FBXW7: variants seen among roughly 807,000 people sequenced by gnomAD.
The protein encoded by FBXW7 is F-box and WD repeat domain containing 7.
FBXW7 carries 11 observed loss-of-function variants against 86.3 expected under a neutral mutation model. The ratio of observed to expected loss-of-function variants is 0.13; its 90% CI spans 0.08 to 0.21. FBXW7 has a LOEUF of 0.21. FBXW7 is among the 10% of genes least tolerant of loss of function. FBXW7 has a pLI of 1.00. For synonymous variants in FBXW7, 313 were observed against 297.9 expected, an observed-to-expected ratio of 1.05 and a Z score of -0.52; for missense variants, 488 against 847.4, an observed-to-expected ratio of 0.58 and a Z score of 5.27.
chr4:152,437,898 G>T (rs1740527722), intron 2 of FBXW7, among the ~76,000 whole-genome samples: 1 of 152,182 alleles, frequency 6.6e-6, no homozygotes, highest in African/African-American at 2.4e-5. Context: ...TTTTTAGCCA[G>T]GCGCGATGGC....
chr4:152,341,751 A>T (rs1730761104), intron 6 of FBXW7, among the ~76,000 whole-genome samples: 1 of 152,212 alleles, frequency 6.6e-6, no homozygotes, highest in Non-Finnish European at 1.5e-5. Flanking sequence ...ACAATTTAGC[A>T]GCAAGGGACA....
chr4:152,431,598 T>G (rs1179511851), intron 2 of FBXW7, among the ~76,000 whole-genome samples: 1 of 152,144 alleles, frequency 6.6e-6, no homozygotes, highest in African/African-American at 2.4e-5. Context: ...CACTGGGGCC[T>G]AGGGCAGGAG....
chr4:152,361,914 C>T (rs530944678), intron 4 of FBXW7, among the ~76,000 whole-genome samples: 6 of 138,862 alleles, frequency 4.3e-5, no homozygotes, highest in Admixed American at 8.1e-5. Context: ...TGCAGTGAGC[C>T]GAGATTGCAA....
At chr4:152,376,516 G>C (rs1019588441) in intron 4 of FBXW7, among the ~76,000 whole-genome samples, 1 of 152,010 alleles carries the variant, frequency 6.6e-6, no homozygotes, top group African/African-American at 2.4e-5. Context: ...TACACCCCTT[G>C]AACTAACTGA....
intron 2 of FBXW7, among the ~76,000 whole-genome samples, chr4:152,470,102 T>C (rs1357537812): frequency 6.6e-6 from 1 of 151,850 alleles, no homozygotes; most frequent in East Asian, 1.9e-4. Context: ...TTTGTTTCAG[T>C]AAAACAGTTT....
chr4:152,480,298 G>C (rs1744762892), intron 2 of FBXW7, among the ~76,000 whole-genome samples: 1 of 151,690 alleles, frequency 6.6e-6, no homozygotes, highest in Non-Finnish European at 1.5e-5. Context: ...AACTGCTTTG[G>C]GCCACCACAA....
At chr4:152,532,206 A>C (rs2149750760) in intron 2 of FBXW7, among the ~76,000 whole-genome samples, 1 of 152,342 alleles carries the variant, frequency 6.6e-6, no homozygotes, top group East Asian at 1.9e-4. Flanking sequence ...TTTCACATCC[A>C]AAGCAAAGTC....
At chr4:152,323,760 G>C (rs941189230) in intron 13 of FBXW7, 1 of 177,504 alleles carries the variant, frequency 5.6e-6, no homozygotes, top group East Asian at 1.6e-4. Context: ...TTCCAGTTAA[G>C]CACGTGACTA....
Position 152,394,887 on chromosome 4 carries a change from C to T in FBXW7, c.501+16416G>A, listed in dbSNP as rs1736287919. Among the ~76,000 whole-genome samples the T allele has an allele frequency of 2.6e-5, 4 of 151,932 alleles. No individual in the cohort carries two copies. The South Asian group carries it at 8.3e-4, about 31-fold the overall frequency. On this transcript the variant is annotated intron_variant, in intron 4 of 13. Transcript: ENST00000281708. The stretch of plus-strand genomic sequence containing the variant: ...GTGACAGAGCTAGCATTTGAAAATC[C>T]CCCCGTAGTTTGACCTTAGAGATCA...
chr4:152,323,312 G>C (rs1057092610), intron 13 of FBXW7, 163 bp from the exon 14 acceptor site: 15 of 833,204 alleles, frequency 1.8e-5, no homozygotes, highest in African/African-American at 3.4e-5. Flanking sequence ...GATCAGCATG[G>C]ATGTAAGAAA....
In FBXW7 at chr4:152,535,343, A is replaced by T; in HGVS notation, c.-429T>A. On this transcript the variant is annotated 5_prime_UTR_variant, in exon 1 of 14. Transcript: ENST00000281708. ...GCTCTAGGAACTCCTCCCGGAGTCC[A>T]GCCAAGGAGCCGGGGGGCCGGCGAC... 5.7e-6 allele frequency: 2 copies of T among 352,188 alleles called. No homozygotes were observed. The highest frequency in any genetic ancestry group is 4.1e-5 in the East Asian group (1 of 24,514). The allele number at this position is 352,188 out of a possible 1,614,324, so 21.8% of individuals were successfully genotyped here.
chr4:152,468,139 G>A (rs1200853255), intron 2 of FBXW7, among the ~76,000 whole-genome samples: 1 of 152,040 alleles, frequency 6.6e-6, no homozygotes, highest in East Asian at 1.9e-4. Context: ...ACAAAAGACT[G>A]ACAATAAGTG....
At chr4:152,460,937 A>G (rs796912278) in intron 2 of FBXW7, among the ~76,000 whole-genome samples, 14 of 152,308 alleles carry the variant, frequency 9.2e-5, no homozygotes, top group African/African-American at 3.4e-4. Context: ...TTTCAAATAG[A>G]TGACTTTTAT....
chr4:152,438,367 T>A (rs922228617), intron 2 of FBXW7, among the ~76,000 whole-genome samples: 4 of 151,992 alleles, frequency 2.6e-5, no homozygotes. Flanking sequence ...ATCCATGGTA[T>A]CTTCAAAGTA....
In FBXW7 at chr4:152,322,765, C is replaced by G; in HGVS notation, c.*116G>C. On this transcript the variant is annotated 3_prime_UTR_variant, in exon 14 of 14. Coordinates refer to ENST00000281708, the MANE Select transcript of FBXW7 (RefSeq NM_001349798.2). ...CAATCTGTTGCCCCAAGCCAACATC[C>G]TGCACCACTGAGAACAAGGGATTTT... 1 of 1,496,736 alleles carries G rather than the reference C, an allele frequency of 6.7e-7. No homozygotes were observed. The allele number at this position is 1,496,736 out of a possible 1,614,324, so 92.7% of individuals were successfully genotyped here. A position where few individuals can be genotyped will look rare whatever the true frequency, so the allele number is the denominator to read the frequency against.
In FBXW7 at chr4:152,339,815, G is replaced by A. The variant is rs768381113; in HGVS notation, c.727-1879C>T. Among the ~76,000 whole-genome samples the A allele has an allele frequency of 5.3e-5, 8 of 151,142 alleles. No homozygotes were observed. The East Asian group carries it at 5.8e-4, about 11-fold the overall frequency. Reference sequence around the variant, plus strand: ...AAATCAGCCAGGCATGGTGGAATGCGCCTGTAGTCCCAGCTACTCAGGGGG... The same window carrying A: ...AAATCAGCCAGGCATGGTGGAATGCACCTGTAGTCCCAGCTACTCAGGGGG... On this transcript the variant is annotated intron_variant, in intron 6 of 13. Transcript: ENST00000281708.
chr4:152,372,601 G>C (rs1322744081), intron 4 of FBXW7, among the ~76,000 whole-genome samples: 1 of 151,900 alleles, frequency 6.6e-6, no homozygotes, highest in Non-Finnish European at 1.5e-5. Flanking sequence ...TTGCAGACAA[G>C]GGACTGTGGA....
At chr4:152,340,442 C>T (rs529432095) in intron 6 of FBXW7, among the ~76,000 whole-genome samples, 2 of 151,412 alleles carry the variant, frequency 1.3e-5, no homozygotes, top group East Asian at 2.0e-4. Context: ...AGCTGGGCAT[C>T]GTGGCGGGCG....
chr4:152,398,502 CT>C (rs1736626021), intron 4 of FBXW7, among the ~76,000 whole-genome samples: 1 of 151,700 alleles, frequency 6.6e-6, no homozygotes, highest in African/African-American at 2.4e-5. Context: ...CTGAAATGTT[CT>C]TAAAATTTTT....
Sources: allele counts gnomAD v4.1 joint callset (sites outside exome capture counted in the v4.1 genomes callset), GRCh38; gene constraint gnomAD v4.1.1; transcripts MANE v1.5; gene names NCBI Gene and HGNC (gene_info 2026-07-23, HGNC 2026-07-21).